HPGD: variants seen among roughly 807,000 people sequenced by gnomAD.
HPGD encodes 15-hydroxyprostaglandin dehydrogenase [NAD(+)].
A neutral mutation model predicts 30.0 loss-of-function variants in HPGD; 29 were observed. That is an observed-to-expected ratio of 0.97 (90% confidence interval 0.72 to 1.32). HPGD has a LOEUF of 1.32. HPGD is among the 40% of genes most tolerant of loss of function. The pLI is 0.00. For missense variants in HPGD, 340 were observed against 322.1 expected (o/e 1.06, Z -0.43); for synonymous variants, 99 against 112.4 (o/e 0.88, Z 0.75).
intron 4 of HPGD, among the ~76,000 whole-genome samples, chr4:174,500,726 CAGG>C (rs930098859): frequency 5.3e-5 from 8 of 151,990 alleles, no homozygotes; most frequent in African/African-American, 1.9e-4. Context: ...CAGTGGTTAC[CAGG>C]AGGTGGTGGG....
intron 4 of HPGD, among the ~76,000 whole-genome samples, chr4:174,502,140 A>C (rs1480406836): frequency 1.4e-5 from 2 of 143,142 alleles, no homozygotes; most frequent in Admixed American, 6.7e-5. Context: ...TTTACAACCA[A>C]CAACAACAAA....
intron 4 of HPGD, among the ~76,000 whole-genome samples, chr4:174,500,104 G>A (rs3101254): frequency 0.043 from 6,545 of 152,150 alleles, 478 homozygotes; most frequent in African/African-American, 0.15. Context: ...TATAGTGGGT[G>A]CTCAGCCTGG....
At position 174,495,608 on chromosome 4, in the gene HPGD, T is replaced by C. The variant is rs1334072726; in HGVS notation, c.438A>G (p.Ala146=). Reference sequence around the variant, plus strand: ...TTGAAGCACAATAAACCGGCTGCTGTGCAACGGGCATGAGTCCTGAAACAG... The same window carrying C: ...TTGAAGCACAATAAACCGGCTGCTGCGCAACGGGCATGAGTCCTGAAACAG... ...MSSLAGLMPV[A]QQPVYCASKH... Residue 146 remains alanine, a synonymous_variant, in exon 5 of 7, where the codon GCA becomes GCG. Transcript: ENST00000296522. 1 of 1,613,568 alleles carries C rather than the reference T, an allele frequency of 6.2e-7. No individual in the cohort carries two copies. Among genetic ancestry groups the C allele is most frequent in the South Asian group, 1.1e-5 (1 of 91,076 alleles).
intron 4 of HPGD, among the ~76,000 whole-genome samples, chr4:174,498,931 T>C (rs916281829): frequency 6.6e-6 from 1 of 152,206 alleles, no homozygotes; most frequent in East Asian, 1.9e-4. Context: ...ACAATGATTT[T>C]AGTTGGGGGT....
Position 174,492,094 on chromosome 4 carries a change from G to C in HPGD, c.663C>G (p.Asp221Glu), listed in dbSNP as rs1734367931. Residue 221 changes from aspartate (D) to glutamate (E), a missense_variant and splice_region_variant, in exon 7 of 7, where the codon GAC becomes GAG. Coordinates refer to ENST00000296522, the MANE Select transcript of HPGD (RefSeq NM_000860.6). This position sits in a 1 kb window ranked among gnomAD's most constrained non-coding sequence, Gnocchi z 4.9. ...KDMIKYYGIL[D>E]PPLIANGLIT... ...TCAATCCATTGGCAATCAATGGTGG[G>C]CTAAAAATAAAGAAAACAGTATTTT... 6.2e-7 allele frequency: 1 copy of C among 1,610,100 alleles called. No homozygotes were observed. Among genetic ancestry groups the C allele is most frequent in the Non-Finnish European group, 8.5e-7 (1 of 1,177,374 alleles).
intron 3 of HPGD, among the ~76,000 whole-genome samples, chr4:174,517,165 AGGG>A (rs1735824484): frequency 6.6e-6 from 1 of 152,220 alleles, no homozygotes; most frequent in Non-Finnish European, 1.5e-5. Flanking sequence ...TCTTATGTCA[AGGG>A]TATTTATAGA....
chr4:174,517,509 G>A (rs1447236424), intron 3 of HPGD, among the ~76,000 whole-genome samples: 1 of 152,178 alleles, frequency 6.6e-6, no homozygotes, highest in African/African-American at 2.4e-5. Flanking sequence ...CTTTGCCCCT[G>A]TAGCATGAAA....
intron 4 of HPGD, chr4:174,507,917 A>G (rs1735266500): frequency 2.0e-6 from 1 of 509,466 alleles, no homozygotes; most frequent in African/African-American, 1.9e-5. Flanking sequence ...TCTCTTAGGC[A>G]CACAGCTAGA....
intron 3 of HPGD, among the ~76,000 whole-genome samples, chr4:174,517,396 C>T (rs1440677210): frequency 3.3e-5 from 5 of 152,230 alleles, no homozygotes; most frequent in Non-Finnish European, 4.4e-5. Flanking sequence ...TTAAGATTTA[C>T]TTTTAAATAA....
intron 5 of HPGD, 71 bp from the exon 6 acceptor site, chr4:174,493,385 G>C (rs1734438075): frequency 6.9e-7 from 1 of 1,443,514 alleles, no homozygotes; most frequent in African/African-American, 1.4e-5. Flanking sequence ...GATCATTAAA[G>C]CATCTTACAA....
At chr4:174,509,130 T>A (rs1289522148) in intron 3 of HPGD, among the ~76,000 whole-genome samples, 2 of 152,218 alleles carry the variant, frequency 1.3e-5, no homozygotes, top group Non-Finnish European at 2.9e-5. Context: ...GTTTTCTAAA[T>A]GTTGGATGCA....
In HPGD at chr4:174,491,033, T is replaced by C. The variant is rs1258401733; in HGVS notation, c.*923A>G. The C allele has an allele frequency of 6.6e-6, 1 of 152,568 alleles. No homozygotes were observed. Among genetic ancestry groups the C allele is most frequent in the African/African-American group, 2.4e-5 (1 of 41,446 alleles). The allele number at this position is 152,568 out of a possible 1,614,324, so 9.5% of individuals were successfully genotyped here. On this transcript the variant is annotated 3_prime_UTR_variant, in exon 7 of 7. Transcript: ENST00000296522. ...AGTTGTGGCTGTGGCAAAATTGGTT[T>C]TATTTCCTTGATAGCTATACATAGA...
chr4:174,497,704 A>G (rs111605725), intron 4 of HPGD, among the ~76,000 whole-genome samples: 6,816 of 148,474 alleles, frequency 0.046, 513 homozygotes, highest in African/African-American at 0.16. Context: ...CAGCCTCCCA[A>G]GTAGCTGGAA....
intron 4 of HPGD, among the ~76,000 whole-genome samples, chr4:174,502,554 T>A (rs1447359851): frequency 6.6e-6 from 1 of 151,908 alleles, no homozygotes; most frequent in South Asian, 2.1e-4. Context: ...GGCGGGCGCC[T>A]GTAGTCTCAG....
intron 3 of HPGD, among the ~76,000 whole-genome samples, chr4:174,515,079 T>C (rs567764195): frequency 6.6e-6 from 1 of 152,274 alleles, no homozygotes; most frequent in Admixed American, 6.5e-5. Context: ...ATTGTTAAAA[T>C]GGCCATACTG....
rs1398399909 is a variant in HPGD, at chr4:174,499,469, CTTA to C, written c.422-3848_422-3846del. Among the ~76,000 whole-genome samples, 3 of 152,266 alleles carry C rather than the reference CTTA, an allele frequency of 2.0e-5. No homozygotes were observed. In the East Asian group the frequency reaches 5.8e-4, roughly 29 times the overall value. On this transcript the variant is annotated intron_variant, in intron 4 of 6. Transcript: ENST00000296522. ...AGTTATTACCCATCTAAAAATAATA[CTTA>C]TTTTTTCTCCAGCTACCACCTTGTT...
rs373510081 is a variant in HPGD at position 174,512,410 on chromosome 4, A to G, written c.325-3618T>C. Among the ~76,000 whole-genome samples, 24 of 152,340 alleles carry G rather than the reference A, an allele frequency of 1.6e-4. No homozygotes were observed. In the East Asian group the frequency reaches 4.0e-3, roughly 26 times the overall value. On this transcript the variant is annotated intron_variant, in intron 3 of 6. Coordinates refer to ENST00000296522, the MANE Select transcript of HPGD (RefSeq NM_000860.6). ...TATGAAAATGGTATAAATATGTTGT[A>G]TAATATTTTAGAAGAAGGAGAGATA...
intron 3 of HPGD, among the ~76,000 whole-genome samples, chr4:174,511,073 T>C (rs1392692726): frequency 1.3e-5 from 2 of 152,346 alleles, no homozygotes. Flanking sequence ...ATAGGGAGTT[T>C]ACCTTCCTCC....
chr4:174,516,417 AC>A (rs1296033915), intron 3 of HPGD, among the ~76,000 whole-genome samples: 1 of 152,174 alleles, frequency 6.6e-6, no homozygotes, highest in African/African-American at 2.4e-5. Flanking sequence ...GTTCTCACTT[AC>A]AAACAGGAAC....
Sources: gnomAD v4.1 joint callset for allele counts (sites outside exome capture counted in the v4.1 genomes callset) on GRCh38, gnomAD v4.1.1 for gene constraint, Gnocchi (gnomAD v3.1) non-coding constraint, MANE v1.5 for transcripts, NCBI Gene and HGNC (gene_info 2026-07-23, HGNC 2026-07-21) for gene names.